Variants in KCNN2 observed in about 807,000 individuals in gnomAD.
KCNN2 encodes potassium calcium-activated channel subfamily N member 2.
In KCNN2, 24 loss-of-function variants were observed where a neutral mutation model predicts 55.5. The observed-to-expected ratio is 0.43, with a 90% CI of 0.31 to 0.61. KCNN2 has a LOEUF of 0.61. KCNN2 is among the 20% of genes least tolerant of loss of function. The pLI is 0.08. For missense variants in KCNN2, 754 were observed against 853.6 expected, an observed-to-expected ratio of 0.88 and a Z score of 1.45; for synonymous variants, 431 against 336.1, an observed-to-expected ratio of 1.28 and a Z score of -3.09.
chr5:114,267,098 C>T (rs556114545), intron 2 of KCNN2, among the ~76,000 whole-genome samples: 280 of 150,070 alleles, frequency 1.9e-3, no homozygotes, highest in Non-Finnish European at 2.9e-3. Flanking sequence ...CAGGTTCAAG[C>T]GATTCTCCTG....
Position 114,369,590 on chromosome 5 carries a change from TG to T in KCNN2, c.1218+5591del, listed in dbSNP as rs1182353169. Among the ~76,000 whole-genome samples, 16 of 152,150 alleles carry T rather than the reference TG, an allele frequency of 1.1e-4. No homozygotes were observed. The South Asian group carries it at 3.3e-3, about 32-fold the overall frequency. ...AACTTGCCTGAATTCCTTTGTTGAG[TG>T]GTGTTCAGCTCAGTGACTGATGTCT... is the stretch of plus-strand genomic sequence containing the variant. On this transcript the variant is annotated intron_variant, in intron 2 of 7. Transcript: ENST00000673685.
intron 2 of KCNN2, among the ~76,000 whole-genome samples, chr5:114,325,126 G>T (rs180798953): frequency 6.2e-4 from 95 of 152,244 alleles, no homozygotes; most frequent in Non-Finnish European, 1.1e-3. Flanking sequence ...ATGACGAGGA[G>T]ATTTCCAAAT....
intron 1 of KCNN2, among the ~76,000 whole-genome samples, chr5:114,120,934 A>G (rs901333879): frequency 6.6e-6 from 1 of 152,232 alleles, no homozygotes; most frequent in Admixed American, 6.5e-5. Flanking sequence ...TCTAGGGAGC[A>G]GTACTTCCCT....
intron 1 of KCNN2, among the ~76,000 whole-genome samples, chr5:114,180,965 T>C (rs1753225970): frequency 6.6e-6 from 1 of 152,180 alleles, no homozygotes; most frequent in African/African-American, 2.4e-5. Context: ...CATGTATGAG[T>C]AGTTGGTTCT....
At chr5:114,168,706 A>G (rs778117717) in intron 1 of KCNN2, among the ~76,000 whole-genome samples, 24 of 152,034 alleles carry the variant, frequency 1.6e-4, no homozygotes, top group Non-Finnish European at 2.8e-4. Context: ...AGCGTGTAGC[A>G]AAACCATTTC....
At chr5:114,211,697 G>A (rs1277973853) in intron 1 of KCNN2, among the ~76,000 whole-genome samples, 2 of 152,008 alleles carry the variant, frequency 1.3e-5, no homozygotes, top group African/African-American at 4.8e-5. Flanking sequence ...CATGTACCCT[G>A]TATCTAAAAG....
intron 1 of KCNN2, among the ~76,000 whole-genome samples, chr5:114,153,508 A>C (rs757619763): frequency 2.0e-4 from 30 of 152,280 alleles, no homozygotes; most frequent in Middle Eastern, 3.4e-3. Context: ...AAACTGTATC[A>C]CTTACAGCAA....
Position 114,404,441 on chromosome 5 carries a change from T to G in KCNN2, c.1222T>G (p.Phe408Val). The G allele has an allele frequency of 6.2e-7, 1 of 1,610,620 alleles. No individual in the cohort carries two copies. Among genetic ancestry groups the G allele is most frequent in the Non-Finnish European group, 8.5e-7 (1 of 1,177,744 alleles). The change falls in exon 3 of 8, where the codon TTC (phenylalanine) becomes GTC (valine). Residue 408 changes from phenylalanine (F) to valine (V), a missense_variant. Physicochemically the swap from Phe to Val is conservative, Grantham distance 50 (BLOSUM62 -1). Around this residue, in one of 4 missense-constraint regions of KCNN2, gnomAD observed 123 missense variants for 204.9 expected, o/e 0.60. Coordinates refer to ENST00000673685, the MANE Select transcript of KCNN2 (RefSeq NM_021614.4). ...IVYHAREIQL[F>V]MVDNGADDWR... ...ATTTTCTACTTTATTTTTTCAGTTG[T>G]TCATGGTGGACAATGGAGCAGATGA...
chr5:114,432,685 G>A (rs1387461528), intron 3 of KCNN2, among the ~76,000 whole-genome samples: 2 of 152,206 alleles, frequency 1.3e-5, no homozygotes, highest in Non-Finnish European at 2.9e-5. Context: ...TGTAGAGGGA[G>A]AGGCGCGAGC....
At chr5:114,139,795 GT>G (rs1752240119) in intron 1 of KCNN2, among the ~76,000 whole-genome samples, 1 of 151,096 alleles carries the variant, frequency 6.6e-6, no homozygotes, top group Non-Finnish European at 1.5e-5. Context: ...CATAGACTTT[GT>G]TTTATATTAG....
At chr5:114,266,080 A>G (rs1755203394) in intron 2 of KCNN2, among the ~76,000 whole-genome samples, 1 of 152,172 alleles carries the variant, frequency 6.6e-6, no homozygotes, top group Non-Finnish European at 1.5e-5. Context: ...TTATTTTTTA[A>G]TAAATTTTAA....
chr5:114,061,004 C>T (rs1750316347), intron 1 of KCNN2, among the ~76,000 whole-genome samples: 1 of 152,194 alleles, frequency 6.6e-6, no homozygotes, highest in Non-Finnish European at 1.5e-5. Flanking sequence ...TTTGCTGTTC[C>T]ATTTCTCACA....
intron 1 of KCNN2, among the ~76,000 whole-genome samples, chr5:114,165,218 C>A (rs1324298935): frequency 6.6e-6 from 1 of 152,058 alleles, no homozygotes; most frequent in Non-Finnish European, 1.5e-5. Context: ...CCTCTTGCTT[C>A]CCCTTTCACT....
chr5:114,232,806 G>A (rs1754387974), intron 2 of KCNN2, among the ~76,000 whole-genome samples: 1 of 150,536 alleles, frequency 6.6e-6, no homozygotes, highest in African/African-American at 2.5e-5. Flanking sequence ...TTCCTAAGAT[G>A]TCAGCAGTAA....
At chr5:114,151,665 G>A (rs1752527555) in intron 1 of KCNN2, among the ~76,000 whole-genome samples, 1 of 151,986 alleles carries the variant, frequency 6.6e-6, no homozygotes, top group Non-Finnish European at 1.5e-5. Flanking sequence ...TTAAACTTCT[G>A]AACTAGTGAA....
intron 2 of KCNN2, among the ~76,000 whole-genome samples, chr5:114,379,978 G>A (rs1758066730): frequency 6.7e-6 from 1 of 150,026 alleles, no homozygotes; most frequent in African/African-American, 2.4e-5. Flanking sequence ...AAATTAATGT[G>A]TTATACATGT....
chr5:114,150,418 A>G (rs1306798188), intron 1 of KCNN2, among the ~76,000 whole-genome samples: 1 of 152,222 alleles, frequency 6.6e-6, no homozygotes, highest in Non-Finnish European at 1.5e-5. Context: ...TCTTTTGCCT[A>G]TAACAGAAAA....
chr5:114,432,415 C>T (rs557570061), intron 3 of KCNN2, among the ~76,000 whole-genome samples: 2 of 152,334 alleles, frequency 1.3e-5, no homozygotes, highest in Non-Finnish European at 1.5e-5. Context: ...TTAGTATTAC[C>T]ATGGTATATC....
At chr5:114,365,180 G>A (rs989028752) in intron 2 of KCNN2, among the ~76,000 whole-genome samples, 3 of 152,140 alleles carry the variant, frequency 2.0e-5, no homozygotes, top group Non-Finnish European at 2.9e-5. Flanking sequence ...ATTACTTCAC[G>A]TTGCCTTTAT....
Sources: allele counts gnomAD v4.1 joint callset (sites outside exome capture counted in the v4.1 genomes callset), GRCh38; gene constraint gnomAD v4.1.1; regional missense constraint gnomAD v4.1.1; transcripts MANE v1.5; gene names NCBI Gene and HGNC (gene_info 2026-07-23, HGNC 2026-07-21).